CELSR3: variants seen among roughly 807,000 people sequenced by gnomAD.
The protein encoded by CELSR3 is cadherin EGF LAG seven-pass G-type receptor 3.
CELSR3 carries 73 observed loss-of-function variants against 270.0 expected under a neutral mutation model. The ratio of observed to expected loss-of-function variants is 0.27; its 90% CI spans 0.22 to 0.33. CELSR3 has a LOEUF of 0.33. CELSR3 is among the 10% of genes least tolerant of loss of function. CELSR3 has a pLI of 1.00. For synonymous variants in CELSR3, 1,780 were observed against 1,905.4 expected (o/e 0.93, Z 1.71); for missense variants, 3,614 against 4,533.8 (o/e 0.80, Z 5.83).
rs776199066 is a variant in CELSR3 at position 48,660,677 on chromosome 3, C to T, written c.1958G>A (p.Ser653Asn). 1 of 1,614,112 alleles carries T rather than the reference C, an allele frequency of 6.2e-7. No homozygotes were observed. Among genetic ancestry groups the T allele is most frequent in the South Asian group, 1.1e-5 (1 of 91,086 alleles). The change falls in exon 1 of 35, where the codon AGC becomes AAC. Residue 653 changes from serine to asparagine, a missense_variant. This residue lies in a region of CELSR3 where 354 missense variants were observed against 500.9 expected (regional missense o/e 0.71). Transcript: ENST00000164024. This position sits in a 1 kb window ranked among gnomAD's most constrained non-coding sequence, Gnocchi z 5.5. ...CAAGACAGAAACTTGGAAGGGCGTG[C>T]TGACAAAAATAGGAATGTGGTCATT... The part of the protein sequence containing the change: ...DINDHIPIFV[S>N]TPFQVSVLEN...
rs777878672 is a variant in CELSR3 at position 48,642,971 on chromosome 3, C to G, written c.8402G>C (p.Gly2801Ala). Residue 2801 changes from glycine to alanine, a missense_variant, in exon 29 of 35, where the codon GGG (glycine) becomes GCG (alanine). Transcript: ENST00000164024. The surrounding 1 kb of genome is among the most constrained non-coding windows in gnomAD (Gnocchi z 6.1). Reference sequence around the variant, plus strand: ...AGGGCCCCCATCCCGACTCACCAGCCCAGGTGCTGGCCTTGCCTCCTCAGG... The same window carrying G: ...AGGGCCCCCATCCCGACTCACCAGCGCAGGTGCTGGCCTTGCCTCCTCAGG... ...AAPEEARPAP[G>A]LGPGAYNNTA... The G allele has an allele frequency of 6.2e-7, 1 of 1,611,598 alleles. No homozygotes were observed. The highest frequency in any genetic ancestry group is 8.5e-7 in the Non-Finnish European group (1 of 1,178,880).
Position 48,653,499 on chromosome 3 carries a change from G to T in CELSR3, c.5448+120C>A. ...GGGCTAGGGTCCAGAGCAGGGTCAAGTGTGGTTGGGACACCTGGCAGAAAA... is the reference window on the plus strand; with the variant it reads ...GGGCTAGGGTCCAGAGCAGGGTCAATTGTGGTTGGGACACCTGGCAGAAAA... On this transcript the variant is annotated intron_variant, in intron 9 of 34. Transcript: ENST00000164024. The surrounding 1 kb of genome is among the most constrained non-coding windows in gnomAD (Gnocchi z 6.5). The T allele has an allele frequency of 8.4e-7, 1 of 1,191,492 alleles. No individual in the cohort carries two copies. Among genetic ancestry groups the T allele is most frequent in the Non-Finnish European group, 1.2e-6 (1 of 826,444 alleles). 73.8% of individuals were successfully genotyped at this position (1,191,492 alleles called of 1,614,324 possible).
Position 48,640,782 on chromosome 3 carries a change from A to C in CELSR3, c.9026-223T>G. On this transcript the variant is annotated intron_variant, in intron 33 of 34. Transcript: ENST00000164024. The surrounding 1 kb of genome is among the most constrained non-coding windows in gnomAD (Gnocchi z 7.5). ...CATCTTCCAGTTGTGGTCCCGGGGC[A>C]GGGGGAGGGCGGGCAGGTCTCATGG... 3.9e-5 allele frequency: 11 copies of C among 283,246 alleles called. No homozygotes were observed. The highest frequency in any genetic ancestry group is 2.8e-4 in the East Asian group (3 of 10,634). 17.5% of individuals were successfully genotyped at this position (283,246 alleles called of 1,614,324 possible). A position where few individuals can be genotyped will look rare whatever the true frequency, so the allele number is the denominator to read the frequency against.
chr3:48,647,971 G>A lies in CELSR3; in HGVS notation c.6999C>T (p.His2333=), dbSNP rs760944413. ...GACGGGCCCCCCGGGGAGAACTGGG[G>A]TGCTCCATGCGGTCAATGCTGAGCA... The part of the protein sequence containing the change: ...NIMLSIDRME[H]PSSPRGARRY... The change falls in exon 20 of 35, where the codon CAC becomes CAT. Residue 2333 remains histidine (H), a synonymous_variant. Transcript: ENST00000164024. 6.2e-7 allele frequency: 1 copy of A among 1,611,974 alleles called. No homozygotes were observed. Among genetic ancestry groups the A allele is most frequent in the East Asian group, 2.2e-5 (1 of 44,854 alleles).
At position 48,661,291 on chromosome 3, in the gene CELSR3, C is replaced by T. The variant is rs775682086; in HGVS notation, c.1344G>A (p.Glu448=). The T allele has an allele frequency of 5.6e-6, 9 of 1,613,410 alleles. No individual in the cohort carries two copies. Among genetic ancestry groups the T allele is most frequent in the Admixed American group, 1.7e-5 (1 of 60,030 alleles). Residue 448 remains glutamate (E), a synonymous_variant, in exon 1 of 35, where the codon GAG becomes GAA. Coordinates refer to ENST00000164024, the MANE Select transcript of CELSR3 (RefSeq NM_001407.3). ...YRETLRENVE[E]GYPILQLRAT... ...CACGCAGCTGCAGGATAGGGTAGCC[C>T]TCCTCCACATTCTCGCGAAGGGTCT...
Position 48,653,132 on chromosome 3 carries a change from T to C in CELSR3, c.5504A>G (p.His1835Arg), listed in dbSNP as rs758603384. 1.6e-5 allele frequency: 26 copies of C among 1,613,206 alleles called. No individual in the cohort carries two copies. The East Asian group carries it at 4.0e-4, about 25-fold the overall frequency. Residue 1835 changes from histidine (H) to arginine (R), a missense_variant, in exon 10 of 35, where the codon CAT becomes CGT. By Grantham distance (29) the His-to-Arg change is conservative. Coordinates refer to ENST00000164024, the MANE Select transcript of CELSR3 (RefSeq NM_001407.3). The surrounding 1 kb of genome is among the most constrained non-coding windows in gnomAD (Gnocchi z 6.5). The stretch of plus-strand genomic sequence containing the variant: ...GACAGTCACCTGGTCCAGAAGGAGA[T>C]GGGAAGCACGGCCCGAGCCCCTGGT... ...TVTRGSGRAS[H>R]LLLDQVTVSD...
In CELSR3 at chr3:48,651,062, C is replaced by T. The variant is rs573133214; in HGVS notation, c.6200G>A (p.Arg2067Gln). Residue 2067 changes from arginine to glutamine, a missense_variant, in exon 15 of 35, where the codon CGA becomes CAA. Arg to Gln is a conservative substitution (Grantham distance 43). This residue lies in a region of CELSR3 where 1,331 missense variants were observed against 1,933.7 expected (regional missense o/e 0.69). Transcript: ENST00000164024. The surrounding 1 kb of genome is among the most constrained non-coding windows in gnomAD (Gnocchi z 7.4). Reference protein sequence around the residue: ...GQCHCKEFHYRPRGSDSCLPC... With the variant: ...GQCHCKEFHYQPRGSDSCLPC... The stretch of plus-strand genomic sequence containing the variant: ...GAGGCAAGAGTCACTGCCCCGCGGT[C>T]GGTAGTGGAACTCCTGTTTGAGGAT... 76 of 1,566,428 alleles carry T rather than the reference C, an allele frequency of 4.9e-5. 3 individuals are homozygous for T. In the South Asian group the frequency reaches 7.3e-4, roughly 15 times the overall value.
Position 48,639,910 on chromosome 3 carries a change from T to C in CELSR3, c.9675A>G (p.Arg3225=). 1.9e-6 allele frequency: 3 copies of C among 1,613,150 alleles called. No homozygotes were observed. Among genetic ancestry groups the C allele is most frequent in the Non-Finnish European group, 2.5e-6 (3 of 1,179,986 alleles). ...GGCCACTGACCGAGTCCTCCCTAGC[T>C]CTGAGCAGCTGCGGGAGTGGCCCAA... The part of the protein sequence containing the change: ...EALGPLPQLL[R]AREDSVSGPS... Residue 3225 remains arginine (R), a synonymous_variant, in exon 34 of 35, where the codon AGA becomes AGG. Coordinates refer to ENST00000164024, the MANE Select transcript of CELSR3 (RefSeq NM_001407.3). This position sits in a 1 kb window ranked among gnomAD's most constrained non-coding sequence, Gnocchi z 4.1.
rs536150274 is a variant in CELSR3 at position 48,651,524 on chromosome 3, G to A, written c.6066-45C>T. The A allele has an allele frequency of 1.6e-5, 25 of 1,607,614 alleles. No individual in the cohort carries two copies. The East Asian group carries it at 3.4e-4, about 22-fold the overall frequency. On this transcript the variant is annotated intron_variant, in intron 13 of 34. Coordinates refer to ENST00000164024, the MANE Select transcript of CELSR3 (RefSeq NM_001407.3). This position sits in a 1 kb window ranked among gnomAD's most constrained non-coding sequence, Gnocchi z 7.4. ...TAAGATGCCTCCACGGTATCCCAGT[G>A]ACCCTCCCTGTCCCTGCCAGGTCTC...
chr3:48,656,679 G>C lies in CELSR3; in HGVS notation c.4399+19C>G. The stretch of plus-strand genomic sequence containing the variant: ...CTTGGCCCGTGCTTCCCCCAGCTCT[G>C]GCCCGGCGCCCTGCTCACCGGTGAA... On this transcript the variant is annotated intron_variant, in intron 2 of 34. Transcript: ENST00000164024. 1.4e-6 allele frequency: 2 copies of C among 1,466,906 alleles called. No individual in the cohort carries two copies. Among genetic ancestry groups the C allele is most frequent in the Non-Finnish European group, 1.8e-6 (2 of 1,115,892 alleles). 90.9% of individuals were successfully genotyped at this position (1,466,906 alleles called of 1,614,324 possible).
Position 48,638,174 on chromosome 3 carries a change from T to G in CELSR3, c.*31A>C, listed in dbSNP as rs1446606657. Reference sequence around the variant, plus strand: ...TGTTAGCCTAGATCCTCTGTCGCCCTCAGCTGTTCCTCGTCCACGCCGTCA... The same window carrying G: ...TGTTAGCCTAGATCCTCTGTCGCCCGCAGCTGTTCCTCGTCCACGCCGTCA... On this transcript the variant is annotated 3_prime_UTR_variant, in exon 35 of 35. Coordinates refer to ENST00000164024, the MANE Select transcript of CELSR3 (RefSeq NM_001407.3). The G allele has an allele frequency of 6.2e-7, 1 of 1,604,772 alleles. No individual in the cohort carries two copies. The highest frequency in any genetic ancestry group is 8.5e-7 in the Non-Finnish European group (1 of 1,171,816).
rs752431197 is a variant in CELSR3, at chr3:48,661,209, G to T, written c.1426C>A (p.Pro476Thr). 7 of 1,600,958 alleles carry T rather than the reference G, an allele frequency of 4.4e-6. No individual in the cohort carries two copies. The Middle Eastern group carries it at 8.4e-4, about 191-fold the overall frequency. The change falls in exon 1 of 35, where the codon CCA becomes ACA. Residue 476 changes from proline to threonine, a missense_variant. Physicochemically the swap from Pro to Thr is conservative, Grantham distance 38 (BLOSUM62 -1). Coordinates refer to ENST00000164024, the MANE Select transcript of CELSR3 (RefSeq NM_001407.3). Reference sequence around the variant, plus strand: ...GCGGCAGCTGCAGCGCGCGCAGCTGGCGGCCCCACGAAGCGGTAGCGCAGG... The same window carrying T: ...GCGGCAGCTGCAGCGCGCGCAGCTGTCGGCCCCACGAAGCGGTAGCGCAGG... Reference protein sequence around the residue: ...ANLRYRFVGPPAARAAAAAAF... With the variant: ...ANLRYRFVGPTAARAAAAAAF...
rs139486442 is a variant in CELSR3 at position 48,642,832 on chromosome 3, C to T, written c.8459G>A (p.Arg2820His). The T allele has an allele frequency of 6.0e-5, 96 of 1,613,088 alleles. No individual in the cohort carries two copies. In the African/African-American group the frequency reaches 1.0e-3, roughly 17 times the overall value. The part of the protein sequence containing the change: ...TALFEESGLI[R>H]ITLGASTVSS... ...GACGGTGGAGGCGCCCAGAGTGATG[C>T]GGATGAGGCCACTCTCCTCAAAGAG... The change falls in exon 30 of 35, where the codon CGC (arginine) becomes CAC (histidine). Residue 2820 changes from arginine to histidine, a missense_variant. Transcript: ENST00000164024. The surrounding 1 kb of genome is among the most constrained non-coding windows in gnomAD (Gnocchi z 6.1).
At position 48,646,987 on chromosome 3, in the gene CELSR3, C is replaced by T; in HGVS notation, c.7130-59G>A. 4 of 1,440,778 alleles carry T rather than the reference C, an allele frequency of 2.8e-6. No individual in the cohort carries two copies. Among genetic ancestry groups the T allele is most frequent in the Non-Finnish European group, 3.7e-6 (4 of 1,091,340 alleles). The allele number at this position is 1,440,778 out of a possible 1,614,324, so 89.2% of individuals were successfully genotyped here. A position where few individuals can be genotyped will look rare whatever the true frequency, so the allele number is the denominator to read the frequency against. On this transcript the variant is annotated intron_variant, in intron 20 of 34. Coordinates refer to ENST00000164024, the MANE Select transcript of CELSR3 (RefSeq NM_001407.3). This position sits in a 1 kb window ranked among gnomAD's most constrained non-coding sequence, Gnocchi z 4.8. Reference sequence around the variant, plus strand: ...ACCTTTGACCCAAAGCACCCACCAACCCAGCTCTGAACCCGATCAAGCATG... The same window carrying T: ...ACCTTTGACCCAAAGCACCCACCAATCCAGCTCTGAACCCGATCAAGCATG...
Position 48,658,786 on chromosome 3 carries a change from G to A in CELSR3, c.3748+101C>T, listed in dbSNP as rs1310219145. 1 of 1,439,064 alleles carries A rather than the reference G, an allele frequency of 6.9e-7. No individual in the cohort carries two copies. Among genetic ancestry groups the A allele is most frequent in the Non-Finnish European group, 9.5e-7 (1 of 1,054,560 alleles). The allele number at this position is 1,439,064 out of a possible 1,614,324, so 89.1% of individuals were successfully genotyped here. A position where few individuals can be genotyped will look rare whatever the true frequency, so the allele number is the denominator to read the frequency against. ...GAACCCTACCCTTAAGGGGTTCTTGGAAGGCTTAGAAATCCCTCTTTGGTT... is the reference window on the plus strand; with the variant it reads ...GAACCCTACCCTTAAGGGGTTCTTGAAAGGCTTAGAAATCCCTCTTTGGTT... On this transcript the variant is annotated intron_variant, in intron 1 of 34. Coordinates refer to ENST00000164024, the MANE Select transcript of CELSR3 (RefSeq NM_001407.3). The surrounding 1 kb of genome is among the most constrained non-coding windows in gnomAD (Gnocchi z 4.7).
intron 18 of CELSR3, 112 bp downstream of exon 18, chr3:48,648,607 G>T: frequency 1.4e-6 from 2 of 1,407,412 alleles, no homozygotes; most frequent in Non-Finnish European, 1.9e-6. Context: ...CAGAGGGAGA[G>T]CCCAGGACCT....
Position 48,661,882 on chromosome 3 carries a change from C to T in CELSR3, c.753G>A (p.Thr251=), listed in dbSNP as rs754527640. 2.5e-6 allele frequency: 4 copies of T among 1,611,306 alleles called. No individual in the cohort carries two copies. The highest frequency in any genetic ancestry group is 2.2e-5 in the East Asian group (1 of 44,884). The part of the protein sequence containing the change: ...SGPELDSAPR[T]ARTAPASGSA... The stretch of plus-strand genomic sequence containing the variant: ...AACCTGATGCAGGAGCTGTCCTCGC[C>T]GTGCGTGGTGCTGAATCCAGCTCGG... The change falls in exon 1 of 35, where the codon ACG becomes ACA. Residue 251 remains threonine, a synonymous_variant. Transcript: ENST00000164024.
rs1446278025 is a variant in CELSR3, at chr3:48,652,865, T to C, written c.5634+137A>G. 2 of 797,608 alleles carry C rather than the reference T, an allele frequency of 2.5e-6. No individual in the cohort carries two copies. Among genetic ancestry groups the C allele is most frequent in the African/African-American group, 1.7e-5 (1 of 58,218 alleles). 49.4% of individuals were successfully genotyped at this position (797,608 alleles called of 1,614,324 possible). On this transcript the variant is annotated intron_variant, in intron 10 of 34. Transcript: ENST00000164024. This position sits in a 1 kb window ranked among gnomAD's most constrained non-coding sequence, Gnocchi z 4.3. ...TGGGTGGGCTCAGTGCAAGGATATA[T>C]GGTGGGGAACTAGGGGTAGAACATC...
Position 48,644,104 on chromosome 3 carries a change from C to A in CELSR3, c.8165+112G>T. Reference sequence around the variant, plus strand: ...CAGGGCAGGTGTGACTTCATTCCTTCATCTAGAACTTGGAGCCCAACCTGC... The same window carrying A: ...CAGGGCAGGTGTGACTTCATTCCTTAATCTAGAACTTGGAGCCCAACCTGC... On this transcript the variant is annotated intron_variant, in intron 27 of 34. Transcript: ENST00000164024. The surrounding 1 kb of genome is among the most constrained non-coding windows in gnomAD (Gnocchi z 4.8). The A allele has an allele frequency of 1.2e-6, 1 of 839,836 alleles. No homozygotes were observed. 52.0% of individuals were successfully genotyped at this position (839,836 alleles called of 1,614,324 possible).
Sources: gnomAD v4.1 joint callset for allele counts on GRCh38, gnomAD v4.1.1 for gene constraint, gnomAD v4.1.1 regional missense constraint, Gnocchi (gnomAD v3.1) non-coding constraint, MANE v1.5 for transcripts, NCBI Gene and HGNC (gene_info 2026-07-23, HGNC 2026-07-21) for gene names.